Variants in SGPP1 observed in about 807,000 individuals in gnomAD.
SGPP1 encodes the protein sphingosine-1-phosphate phosphatase 1.
A neutral mutation model predicts 33.0 loss-of-function variants in SGPP1; 21 were observed. That is an observed-to-expected ratio of 0.64 (90% CI 0.45 to 0.92). SGPP1 has a LOEUF of 0.92. SGPP1 is among the 40% of genes least tolerant of loss of function. SGPP1 has a pLI of 0.00. For missense variants in SGPP1, 543 were observed against 589.4 expected (o/e 0.92, Z 0.81); for synonymous variants, 239 against 241.2 (o/e 0.99, Z 0.08).
At chr14:63,696,143 CAG>C (rs1885182068) in intron 2 of SGPP1, among the ~76,000 whole-genome samples, 1 of 152,028 alleles carries the variant, frequency 6.6e-6, no homozygotes, top group Non-Finnish European at 1.5e-5. Context: ...CAAAAATTAT[CAG>C]GGCATGGTGG....
Position 63,727,510 on chromosome 14 carries a change from G to C in SGPP1, c.435C>G (p.Ile145Met), listed in dbSNP as rs1885909998. The C allele has an allele frequency of 6.2e-7, 1 of 1,614,018 alleles. No individual in the cohort carries two copies. ...TCCAGATCCAGAAGGGGAAGAACAG[G>C]ATGTAGAAGAGTTCGTTGCCCAGCT... ...GTELGNELFY[I>M]LFFPFWIWNL... The change falls in exon 1 of 3, where the codon ATC (isoleucine) becomes ATG (methionine). Residue 145 changes from isoleucine (I) to methionine (M), a missense_variant. By Grantham distance (10) the Ile-to-Met change is conservative. Transcript: ENST00000247225.
rs375897913 is a variant in SGPP1 at position 63,696,640 on chromosome 14, T to C, written c.774+1929A>G. 2.8e-4 allele frequency among the ~76,000 whole-genome samples: 43 copies of C among 152,344 alleles called. 1 individual carries two copies. The highest frequency in any genetic ancestry group is 9.4e-4 in the African/African-American group (39 of 41,590). ...GAAGTGTATGTAAATTCACAATTCA[T>C]ATTAAATACAAATAATTATAAAAAG... On this transcript the variant is annotated intron_variant, in intron 2 of 2. Coordinates refer to ENST00000247225, the MANE Select transcript of SGPP1 (RefSeq NM_030791.4).
intron 1 of SGPP1, among the ~76,000 whole-genome samples, chr14:63,712,543 C>T (rs987760642): frequency 1.3e-5 from 2 of 152,152 alleles, no homozygotes; most frequent in Non-Finnish European, 2.9e-5. Context: ...CTAAAAGTAG[C>T]TGCAAATAAA....
intron 2 of SGPP1, among the ~76,000 whole-genome samples, chr14:63,688,714 C>CTTTTTT (rs776698745): frequency 2.1e-5 from 3 of 140,912 alleles, no homozygotes; most frequent in South Asian, 4.5e-4. Flanking sequence ...ACCGTCATTT[C>CTTTTTT]TTTTTTTTTT....
chr14:63,725,584 G>A (rs952591219), intron 1 of SGPP1, among the ~76,000 whole-genome samples: 2 of 152,106 alleles, frequency 1.3e-5, no homozygotes, highest in African/African-American at 4.8e-5. Context: ...CTTAAACTTT[G>A]AGTTAAATAT....
rs1234475673 is a variant in SGPP1, at chr14:63,727,955, C to T, written c.-11G>A. On this transcript the variant is annotated 5_prime_UTR_variant, in exon 1 of 3. Coordinates refer to ENST00000247225, the MANE Select transcript of SGPP1 (RefSeq NM_030791.4). ...CTGCCTCAGCGACATGATAACGGAA[C>T]CCCCGGGAAGGCGGGCCGGCCTCCG... 2 of 1,541,632 alleles carry T rather than the reference C, an allele frequency of 1.3e-6. No individual in the cohort carries two copies. The highest frequency in any genetic ancestry group is 1.7e-6 in the Non-Finnish European group (2 of 1,153,452).
intron 1 of SGPP1, among the ~76,000 whole-genome samples, chr14:63,723,575 C>G (rs113285509): frequency 7.9e-5 from 12 of 151,892 alleles, no homozygotes; most frequent in African/African-American, 2.7e-4. Context: ...AAACATTAGC[C>G]GGGGGTGGTG....
At chr14:63,686,721 A>C (rs1884988038) in intron 2 of SGPP1, 65 bp from the exon 3 acceptor site, 13 of 1,162,414 alleles carry the variant, frequency 1.1e-5, no homozygotes, top group Non-Finnish European at 1.5e-5. Context: ...TTAAAAAATA[A>C]TTTATATTTG....
At chr14:63,698,290 T>C (rs998958774) in intron 2 of SGPP1, among the ~76,000 whole-genome samples, 1 of 152,184 alleles carries the variant, frequency 6.6e-6, no homozygotes, top group Admixed American at 6.6e-5. Flanking sequence ...CAGAAAAGAC[T>C]GCAAAGGAAA....
chr14:63,727,744 C>T lies in SGPP1; in HGVS notation c.201G>A (p.Gln67=). 1 of 1,477,860 alleles carries T rather than the reference C, an allele frequency of 6.8e-7. No homozygotes were observed. The highest frequency in any genetic ancestry group is 8.9e-7 in the Non-Finnish European group (1 of 1,121,436). 91.5% of individuals were successfully genotyped at this position (1,477,860 alleles called of 1,614,324 possible). A position where few individuals can be genotyped will look rare whatever the true frequency, so the allele number is the denominator to read the frequency against. Residue 67 remains glutamine, a synonymous_variant, in exon 1 of 3, where the codon CAG becomes CAA. Coordinates refer to ENST00000247225, the MANE Select transcript of SGPP1 (RefSeq NM_030791.4). ...GRQPGAPGGP[Q]PPGSDRNQCP... is the part of the protein sequence containing the mutation. ...ACTGATTGCGGTCGCTCCCGGGAGGCTGGGGGCCTCCAGGCGCCCCTGGCT... is the reference window on the plus strand; with the variant it reads ...ACTGATTGCGGTCGCTCCCGGGAGGTTGGGGGCCTCCAGGCGCCCCTGGCT...
chr14:63,687,739 G>A (rs1005831800), intron 2 of SGPP1, among the ~76,000 whole-genome samples: 1 of 152,182 alleles, frequency 6.6e-6, no homozygotes, highest in Non-Finnish European at 1.5e-5. Flanking sequence ...AGTGGCTCAT[G>A]CCTATAATCC....
chr14:63,725,778 T>C (rs8017064), intron 1 of SGPP1, among the ~76,000 whole-genome samples: 2,975 of 152,252 alleles, frequency 0.02, 89 homozygotes, highest in African/African-American at 0.067. Context: ...CTAATACTAA[T>C]AGCATACAAA....
intron 1 of SGPP1, among the ~76,000 whole-genome samples, chr14:63,725,110 C>T (rs562284539): frequency 2.0e-5 from 3 of 152,258 alleles, no homozygotes; most frequent in East Asian, 1.9e-4. Context: ...CAGTGGCTCA[C>T]GCCTGTAATC....
intron 1 of SGPP1, among the ~76,000 whole-genome samples, chr14:63,710,155 G>A (rs543042070): frequency 6.6e-6 from 1 of 152,236 alleles, no homozygotes; most frequent in African/African-American, 2.4e-5. Flanking sequence ...GACATGCCTT[G>A]TTCTCATACA....
At chr14:63,722,576 T>G (rs1291796073) in intron 1 of SGPP1, among the ~76,000 whole-genome samples, 4 of 145,008 alleles carry the variant, frequency 2.8e-5, no homozygotes, top group South Asian at 4.3e-4. Flanking sequence ...TGCTATAACA[T>G]TATTATTATA....
chr14:63,701,137 T>C (rs987387973), intron 1 of SGPP1, among the ~76,000 whole-genome samples: 3 of 151,934 alleles, frequency 2.0e-5, no homozygotes, highest in African/African-American at 7.2e-5. Context: ...TGCCACCACA[T>C]CCAGCTGATT....
chr14:63,686,131 T>C lies in SGPP1; in HGVS notation c.1300A>G (p.Ile434Val), dbSNP rs775770633. The C allele has an allele frequency of 9.4e-6, 15 of 1,602,750 alleles. No homozygotes were observed. Among genetic ancestry groups the C allele is most frequent in the African/African-American group, 2.7e-5 (2 of 74,410 alleles). ...CAAGAGATACCAATAAAGAAAAATA[T>C]GTAAGGAACAAAAAATGTGATGGAG... ...GFSITFFVPY[I>V]FFFIGIS Residue 434 changes from isoleucine to valine, a missense_variant, in exon 3 of 3, where the codon ATA becomes GTA. Coordinates refer to ENST00000247225, the MANE Select transcript of SGPP1 (RefSeq NM_030791.4).
intron 2 of SGPP1, among the ~76,000 whole-genome samples, chr14:63,693,531 CTATT>C (rs1408569764): frequency 1.3e-5 from 2 of 152,162 alleles, no homozygotes; most frequent in Non-Finnish European, 2.9e-5. Context: ...AACTGATAAG[CTATT>C]TATATAAAGC....
chr14:63,710,652 C>A (rs1199938778), intron 1 of SGPP1, among the ~76,000 whole-genome samples: 1 of 152,190 alleles, frequency 6.6e-6, no homozygotes, highest in African/African-American at 2.4e-5. Context: ...TTTCTACAGA[C>A]CAGCTTCTCT....
Sources: gnomAD v4.1 joint callset for allele counts (sites outside exome capture counted in the v4.1 genomes callset) on GRCh38, gnomAD v4.1.1 for gene constraint, MANE v1.5 for transcripts, NCBI Gene and HGNC (gene_info 2026-07-23, HGNC 2026-07-21) for gene names.